The following PRR5 variants were observed in gnomAD, a reference collection of about 807,000 sequenced individuals.
The protein encoded by PRR5 is proline-rich protein 5.
In PRR5, 25 loss-of-function variants were observed where a neutral mutation model predicts 30.6. The ratio of observed to expected loss-of-function variants is 0.82; its 90% CI spans 0.60 to 1.14. The LOEUF (loss-of-function observed/expected upper bound fraction) is 1.14. Ranked by LOEUF, PRR5 falls within the 50% of genes most tolerant of loss-of-function variation. PRR5 has a pLI of 0.00. For missense variants in PRR5, 600 were observed against 547.1 expected (o/e 1.10, Z -0.96); for synonymous variants, 286 against 247.1 (o/e 1.16, Z -1.48).
chr22:44,671,743 G>A (rs940771339), intron 1 of PRR5, among the ~76,000 whole-genome samples: 2 of 152,182 alleles, frequency 1.3e-5, no homozygotes, highest in East Asian at 1.9e-4. Context: ...GCCTGGGTTC[G>A]AATCCTGTCC....
upstream of PRR5, among the ~76,000 whole-genome samples, chr22:44,699,389 C>T (rs1326271163): frequency 6.6e-6 from 1 of 152,272 alleles, no homozygotes; most frequent in Non-Finnish European, 1.5e-5. Flanking sequence ...GAGAGCCAGC[C>T]TCCGGCGTGG....
intron 4 of PRR5, chr22:44,730,165 G>A: frequency 3.0e-6 from 3 of 985,290 alleles, no homozygotes; most frequent in Non-Finnish European, 3.6e-6. Context: ...GCTTCCGGGA[G>A]TGGGGGCAGG....
chr22:44,714,012 C>T (rs1472843657), intron 1 of PRR5, among the ~76,000 whole-genome samples: 1 of 152,000 alleles, frequency 6.6e-6, no homozygotes, highest in East Asian at 2.0e-4. Flanking sequence ...ACCATGTTCG[C>T]CAGGATGATC....
intron 7 of PRR5, 123 bp downstream of exon 7, chr22:44,735,285 C>T: frequency 7.5e-7 from 1 of 1,335,378 alleles, no homozygotes; most frequent in Admixed American, 2.5e-5. Flanking sequence ...TGGTTCTCAG[C>T]CGGGCAGCAG....
At chr22:44,672,700 G>C (rs1299826251), upstream of PRR5, among the ~76,000 whole-genome samples, 3 of 152,214 alleles carry the variant, frequency 2.0e-5, no homozygotes. Flanking sequence ...CTGGAAGGGA[G>C]GGGCTGCCTG....
intron 1 of PRR5, among the ~76,000 whole-genome samples, chr22:44,670,679 A>T (rs576550643): frequency 2.0e-4 from 31 of 152,318 alleles, no homozygotes; most frequent in African/African-American, 6.0e-4. Context: ...CTGTGCAGAA[A>T]CATTTGTGAG....
chr22:44,734,512 A>AG (rs1365531354), intron 6 of PRR5: 4 of 153,046 alleles, frequency 2.6e-5, no homozygotes, highest in African/African-American at 9.6e-5. Flanking sequence ...GGTAGCGGTG[A>AG]GCCCTTCAGA....
chr22:44,715,035 A>G (rs1294155282), intron 2 of PRR5, among the ~76,000 whole-genome samples: 1 of 152,230 alleles, frequency 6.6e-6, no homozygotes, highest in Non-Finnish European at 1.5e-5. Context: ...ATTCTGTTAA[A>G]GAGGAAGGAC....
Position 44,731,766 on chromosome 22 carries a change from ACTT to A in PRR5, c.367_369del (p.Phe123del), listed in dbSNP as rs1385642148. The A allele has an allele frequency of 8.7e-6, 14 of 1,613,604 alleles. No individual in the cohort carries two copies. Among genetic ancestry groups the A allele is most frequent in the African/African-American group, 2.7e-5 (2 of 74,914 alleles). The stretch of plus-strand genomic sequence containing the variant: ...CTGGACTCACTGGCAGAGACCTGGG[ACTT>A]CTTCTTCAGTGACGTGCTGCCCATG... On this transcript the variant is annotated inframe_deletion, in exon 5 of 8. Transcript: ENST00000336985.
intron 1 of PRR5, among the ~76,000 whole-genome samples, chr22:44,710,947 A>G (rs1217335383): frequency 6.6e-6 from 1 of 152,248 alleles, no homozygotes; most frequent in Admixed American, 6.5e-5. Flanking sequence ...CACTGTACTG[A>G]GAAGTCCATT....
rs150104103 is a variant in PRR5 at position 44,732,338 on chromosome 22, C to G, written c.502C>G (p.Arg168Gly). ...TGTGAAGCTAGAGGATGCGCTGGCC[C>G]GGGCCCATGCCCGTGTGCCCCCTGC... ...LSVKLEDALA[R>G]AHARVPPAIV... Residue 168 changes from arginine to glycine, a missense_variant, in exon 6 of 8, where the codon CGG becomes GGG. Coordinates refer to ENST00000336985, the MANE Select transcript of PRR5 (RefSeq NM_181333.4). 1.2e-6 allele frequency: 2 copies of G among 1,611,948 alleles called. No individual in the cohort carries two copies. The highest frequency in any genetic ancestry group is 1.1e-5 in the South Asian group (1 of 91,048).
intron 1 of PRR5, among the ~76,000 whole-genome samples, chr22:44,687,899 C>T (rs180986114): frequency 1.3e-5 from 2 of 151,946 alleles, no homozygotes; most frequent in Non-Finnish European, 2.9e-5. Flanking sequence ...CTCAGCCCCC[C>T]GAGTAGCTGG....
rs577708394 is a variant in PRR5 at position 44,669,351 on chromosome 22, G to A, written c.-11+546G>A. On this transcript the variant is annotated intron_variant, in intron 1 of 8. Coordinates refer to the PRR5 transcript ENST00000432186. ...TGTGGCCCCCACCGCTCTGGCCTCTGGCCTGGGCCTCCAGCCACTTCCTGG... is the reference window on the plus strand; with the variant it reads ...TGTGGCCCCCACCGCTCTGGCCTCTAGCCTGGGCCTCCAGCCACTTCCTGG... 2.6e-5 allele frequency among the ~76,000 whole-genome samples: 4 copies of A among 152,322 alleles called. No homozygotes were observed. The East Asian group carries it at 7.8e-4, about 30-fold the overall frequency.
At chr22:44,731,433 T>G in intron 4 of PRR5, 1 of 490,462 alleles carries the variant, frequency 2.0e-6, no homozygotes, top group Non-Finnish European at 3.7e-6. Context: ...AGCTGTCATC[T>G]GCCAGGAGCA....
intron 2 of PRR5, among the ~76,000 whole-genome samples, chr22:44,715,877 G>C (rs1324223840): frequency 6.6e-6 from 1 of 152,136 alleles, no homozygotes; most frequent in African/African-American, 2.4e-5. Context: ...CGAACTCCTG[G>C]GCTCAAGCCA....
At chr22:44,690,187 C>T (rs894709764) in intron 1 of PRR5, among the ~76,000 whole-genome samples, 5 of 152,118 alleles carry the variant, frequency 3.3e-5, no homozygotes, top group Non-Finnish European at 7.4e-5. Context: ...AGAGAAGACC[C>T]TGTGGGCAGA....
At chr22:44,707,629 A>G (rs563838490) in intron 1 of PRR5, among the ~76,000 whole-genome samples, 184 of 152,332 alleles carry the variant, frequency 1.2e-3, no homozygotes, top group African/African-American at 4.1e-3. Flanking sequence ...CCAAAATGCC[A>G]TGAGGGCACG....
At chr22:44,719,763 C>T (rs1929655011) in intron 2 of PRR5, among the ~76,000 whole-genome samples, 1 of 152,226 alleles carries the variant, frequency 6.6e-6, no homozygotes, top group South Asian at 2.1e-4. Context: ...CTGGGGCCGC[C>T]TGCTCCCTGC....
At chr22:44,718,068 G>T (rs532922381) in intron 2 of PRR5, among the ~76,000 whole-genome samples, 1 of 152,246 alleles carries the variant, frequency 6.6e-6, no homozygotes, top group African/African-American at 2.4e-5. Context: ...TGTATGGAAA[G>T]CACAGCATAT....
Sources: gnomAD v4.1 joint callset for allele counts (sites outside exome capture counted in the v4.1 genomes callset) on GRCh38, gnomAD v4.1.1 for gene constraint, MANE v1.5 for transcripts, NCBI Gene and HGNC (gene_info 2026-07-23, HGNC 2026-07-21) for gene names.